The following BRWD3 variants were observed in gnomAD, a reference collection of about 807,000 sequenced individuals.
BRWD3 encodes the protein bromodomain and WD repeat domain containing 3, also known as bromodomain and WD repeat-containing protein 3.
BRWD3 carries 10 observed loss-of-function variants against 149.7 expected under a neutral mutation model. That is an observed-to-expected ratio of 0.07 (90% confidence interval 0.04 to 0.11). The LOEUF is 0.11. BRWD3 is among the 10% of genes least tolerant of loss of function. BRWD3 has a pLI of 1.00. For synonymous variants in BRWD3, 504 were observed against 456.7 expected (o/e 1.10, Z -1.32); for missense variants, 940 against 1,373.2 (o/e 0.68, Z 4.99).
At chrX:80,793,349 T>C (rs1373228378) in intron 5 of BRWD3, among the ~76,000 whole-genome samples, 1 of 110,040 alleles carries the variant, frequency 9.1e-6, no homozygotes, top group Non-Finnish European at 1.9e-5. Flanking sequence ...TAAGTATTTA[T>C]ACTGTATTAA....
rs2072346746 is a variant in BRWD3, at chrX:80,674,449, C to CATTTTATTTGGG, written c.*2159_*2160insCCCAAATAAAAT. 1 of 111,164 alleles carries CATTTTATTTGGG rather than the reference C, an allele frequency of 9.0e-6. No individual in the cohort carries two copies. Among genetic ancestry groups the CATTTTATTTGGG allele is most frequent in the African/African-American group, 3.3e-5 (1 of 30,636 alleles). The allele number at this position is 111,164 out of a possible 1,213,427, so 9.2% of individuals were successfully genotyped here. A position where few individuals can be genotyped will look rare whatever the true frequency, so the allele number is the denominator to read the frequency against. ...TTCAAACTAAAATGATACATGTGAT[C>CATTTTATTTGGG]CATATTTGGGTATATCCAGGAATTT... On this transcript the variant is annotated 3_prime_UTR_variant, in exon 41 of 41. Transcript: ENST00000373275.
chrX:80,808,325 C>G (rs1046715394), intron 4 of BRWD3, among the ~76,000 whole-genome samples: 1 of 109,205 alleles, frequency 9.2e-6, no homozygotes, highest in Admixed American at 9.9e-5. Flanking sequence ...AACTCACATT[C>G]TTCAAAGTTT....
intron 6 of BRWD3, among the ~76,000 whole-genome samples, chrX:80,771,783 C>G (rs1198973053): frequency 1.8e-5 from 2 of 111,661 alleles, no homozygotes; most frequent in African/African-American, 6.5e-5. Flanking sequence ...GAAAAACAAA[C>G]AACCCTATCA....
intron 36 of BRWD3, 51 bp from the exon 37 acceptor site, chrX:80,684,213 C>T (rs772136596): frequency 6.5e-6 from 7 of 1,082,168 alleles, no homozygotes; most frequent in Non-Finnish European, 8.9e-6. Flanking sequence ...TTAAGGAATA[C>T]AATGGGACTA....
intron 6 of BRWD3, among the ~76,000 whole-genome samples, chrX:80,754,036 A>AT (rs1403382138): frequency 9.0e-6 from 1 of 111,647 alleles, no homozygotes; most frequent in Admixed American, 9.5e-5. Flanking sequence ...TTTTAGGATT[A>AT]TTTTTTATTT....
At position 80,723,795 on chromosome X, in the gene BRWD3, C is replaced by T; in HGVS notation, c.1603G>A (p.Gly535Arg). The T allele has an allele frequency of 8.3e-7, 1 of 1,210,591 alleles. No homozygotes were observed. The highest frequency in any genetic ancestry group is 1.1e-6 in the Non-Finnish European group (1 of 894,361). ...CCAAAACCAAAAAGCAGCAAATGTC[C>T]ATGAGAATCTGTGCAGGCAAAATGG... ...GNHFACTDSH[G>R]HLLLFGFGCS... The change falls in exon 16 of 41, where the codon GGA becomes AGA. Residue 535 changes from glycine (G) to arginine (R), a missense_variant. Transcript: ENST00000373275.
intron 40 of BRWD3, among the ~76,000 whole-genome samples, chrX:80,679,722 A>T (rs928984332): frequency 2.8e-5 from 3 of 107,270 alleles, no homozygotes; most frequent in Non-Finnish European, 5.9e-5. Context: ...ACATGCAATG[A>T]TATAGAGATT....
chrX:80,809,652 T>C lies in BRWD3; in HGVS notation c.-181A>G, dbSNP rs1411078250. ...ATCACGTTTCGACCCATAGATATTC[T>C]AGCCCAAGAGCTGAGGAGGCGGAGG... On this transcript the variant is annotated 5_prime_UTR_variant, in exon 1 of 41. Coordinates refer to ENST00000373275, the MANE Select transcript of BRWD3 (RefSeq NM_153252.5). The C allele has an allele frequency of 2.3e-6, 1 of 427,822 alleles. No individual in the cohort carries two copies. Among genetic ancestry groups the C allele is most frequent in the Non-Finnish European group, 4.1e-6 (1 of 244,227 alleles). 35.3% of individuals were successfully genotyped at this position (427,822 alleles called of 1,213,427 possible).
At chrX:80,779,732 C>G (rs982774792) in intron 6 of BRWD3, among the ~76,000 whole-genome samples, 6 of 111,574 alleles carry the variant, frequency 5.4e-5, no homozygotes, top group Admixed American at 1.9e-4. Context: ...TGTGATAATT[C>G]TAGTAAAATT....
In BRWD3 at chrX:80,809,569, G is replaced by A. The variant is rs1443272482; in HGVS notation, c.-98C>T. 1.2e-5 allele frequency: 6 copies of A among 510,644 alleles called. No homozygotes were observed. The Admixed American group carries it at 2.0e-4, about 17-fold the overall frequency. The allele number at this position is 510,644 out of a possible 1,213,427, so 42.1% of individuals were successfully genotyped here. A position where few individuals can be genotyped will look rare whatever the true frequency, so the allele number is the denominator to read the frequency against. Reference sequence around the variant, plus strand: ...TGTGGTGAAGCCCCCATGCCCGGGAGTCCCGCCGCTTCCGCCGCACTCCTC... The same window carrying A: ...TGTGGTGAAGCCCCCATGCCCGGGAATCCCGCCGCTTCCGCCGCACTCCTC... On this transcript the variant is annotated 5_prime_UTR_variant, in exon 1 of 41. Coordinates refer to ENST00000373275, the MANE Select transcript of BRWD3 (RefSeq NM_153252.5).
In BRWD3 at chrX:80,793,323, T is replaced by A. The variant is rs1048588248; in HGVS notation, c.331+299A>T. 1.1e-4 allele frequency among the ~76,000 whole-genome samples: 12 copies of A among 110,439 alleles called. No individual in the cohort carries two copies. In the Admixed American group the frequency reaches 1.2e-3, roughly 11 times the overall value. On this transcript the variant is annotated intron_variant, in intron 5 of 40. Transcript: ENST00000373275. ...AAACTAATAAAGAGTAAGAACATTA[T>A]AATGAAAGAATATTGTAAGTATTTA...
rs926789804 is a variant in BRWD3, at chrX:80,688,272, C to T, written c.3808-147G>A. ...AAGTAGAACAAAAGATAGAGGGAGA[C>T]TCACACCAAACTTTCCCAATATGCA... On this transcript the variant is annotated intron_variant, in intron 33 of 40. Transcript: ENST00000373275. The T allele has an allele frequency of 2.4e-5, 12 of 494,182 alleles. No individual in the cohort carries two copies. The African/African-American group carries it at 2.6e-4, about 11-fold the overall frequency. 40.7% of individuals were successfully genotyped at this position (494,182 alleles called of 1,213,427 possible).
At chrX:80,747,676 A>G (rs1013488079) in intron 6 of BRWD3, among the ~76,000 whole-genome samples, 1 of 111,853 alleles carries the variant, frequency 8.9e-6, no homozygotes. Flanking sequence ...AATTTACTCC[A>G]AAGTACTTTC....
intron 6 of BRWD3, among the ~76,000 whole-genome samples, chrX:80,748,685 CT>C (rs199647124): frequency 0.016 from 1,773 of 111,330 alleles, 14 homozygotes; most frequent in Non-Finnish European, 0.024. Flanking sequence ...AACAAACCAA[CT>C]TTAAGATTTG....
At chrX:80,803,101 C>CAAAAAAAAAAAA (rs61306754) in intron 4 of BRWD3, among the ~76,000 whole-genome samples, 1 of 24,057 alleles carries the variant, frequency 4.2e-5, no homozygotes, top group African/African-American at 1.0e-4. Context: ...GACTCCATCT[C>CAAAAAAAAAAAA]AAAAAAAAAA....
At chrX:80,706,668 G>C (rs931152581) in intron 22 of BRWD3, among the ~76,000 whole-genome samples, 3 of 111,773 alleles carry the variant, frequency 2.7e-5, no homozygotes, top group Non-Finnish European at 5.6e-5. Flanking sequence ...TTGAGGACCT[G>C]ACAGAGGCTA....
intron 26 of BRWD3, among the ~76,000 whole-genome samples, 174 bp downstream of exon 26, chrX:80,696,563 CAA>C (rs1183537161): frequency 1.0e-5 from 1 of 100,349 alleles, no homozygotes; most frequent in African/African-American, 3.9e-5. Flanking sequence ...CACACACACA[CAA>C]ATATAAATAA....
chrX:80,684,292 C>T lies in BRWD3; in HGVS notation c.4081-130G>A, dbSNP rs750736620. 70 of 558,749 alleles carry T rather than the reference C, an allele frequency of 1.3e-4. No homozygotes were observed. The South Asian group carries it at 1.5e-3, about 12-fold the overall frequency. 46.0% of individuals were successfully genotyped at this position (558,749 alleles called of 1,213,427 possible). A position where few individuals can be genotyped will look rare whatever the true frequency, so the allele number is the denominator to read the frequency against. On this transcript the variant is annotated intron_variant, in intron 36 of 40. Coordinates refer to ENST00000373275, the MANE Select transcript of BRWD3 (RefSeq NM_153252.5). ...TGCTTTTCAATGTGCCAACTACCTC[C>T]CCACAACCCCAAAACATCTTTTGGT...
At chrX:80,698,098 T>G (rs1470065454) in intron 25 of BRWD3, among the ~76,000 whole-genome samples, 1 of 112,412 alleles carries the variant, frequency 8.9e-6, no homozygotes, top group East Asian at 2.8e-4. Flanking sequence ...GTTGGTCGCT[T>G]ATACATTTTC....
Sources: allele counts gnomAD v4.1 joint callset (sites outside exome capture counted in the v4.1 genomes callset), GRCh38; gene constraint gnomAD v4.1.1; transcripts MANE v1.5; gene names NCBI Gene and HGNC (gene_info 2026-07-23, HGNC 2026-07-21).